The following DTX2 variants were observed in gnomAD, a reference collection of about 807,000 sequenced individuals.
DTX2 encodes the protein probable E3 ubiquitin-protein ligase DTX2.
DTX2 carries 29 observed loss-of-function variants against 55.3 expected under a neutral mutation model. That is an observed-to-expected ratio of 0.52 (90% CI 0.39 to 0.71). The LOEUF is 0.71. Among genes scored for constraint, DTX2 ranks in the 30% least tolerant of loss-of-function variants. The pLI, the probability that DTX2 is intolerant of heterozygous loss-of-function variation, is 0.00. For missense variants in DTX2, 537 were observed against 822.5 expected (o/e 0.65, Z 4.25); for synonymous variants, 276 against 340.4 (o/e 0.81, Z 2.08).
At chr7:76,477,642 T>C (rs1306513971) in intron 2 of DTX2, among the ~76,000 whole-genome samples, 1 of 139,506 alleles carries the variant, frequency 7.2e-6, no homozygotes, top group African/African-American at 2.8e-5. Context: ...TACAAAAAAT[T>C]AAGAGATCAG....
intron 4 of DTX2, among the ~76,000 whole-genome samples, chr7:76,488,732 C>T (rs1179848466): frequency 6.2e-5 from 5 of 80,272 alleles, no homozygotes; most frequent in East Asian, 3.3e-4. Flanking sequence ...CCCGTCTCTA[C>T]TAAAAATATA....
Position 76,505,720 on chromosome 7 carries a change from TGCCCCACCTGAAGCCGGG to T in DTX2, c.*122_*139del. On this transcript the variant is annotated 3_prime_UTR_variant, in exon 11 of 11. Transcript: ENST00000430490. The surrounding 1 kb of genome is among the most constrained non-coding windows in gnomAD (Gnocchi z 4.4). ...GGAGGTTTGTTGAGGGTGTGGGGTG[TGCCCCACCTGAAGCCGGG>T]GCTCCCCCTGCCTGCCTCTCTCTCC... 9.3e-7 allele frequency: 1 copy of T among 1,080,578 alleles called. No homozygotes were observed. Among genetic ancestry groups the T allele is most frequent in the Non-Finnish European group, 1.3e-6 (1 of 759,108 alleles). The allele number at this position is 1,080,578 out of a possible 1,614,324, so 66.9% of individuals were successfully genotyped here.
chr7:76,462,757 T>C (rs1431929449), intron 1 of DTX2: 2 of 4,362 alleles, frequency 4.6e-4, no homozygotes, highest in African/African-American at 2.8e-3. Flanking sequence ...TATGAAGTCC[T>C]TTTAGAGTTT....
chr7:76,486,884 C>CTGCTGCTGCTGCTGCTTT (rs59594095), intron 4 of DTX2, among the ~76,000 whole-genome samples: 6,848 of 148,646 alleles, frequency 0.046, 16 homozygotes, highest in African/African-American at 0.099. Context: ...GCTGCTGCTG[C>CTGCTGCTGCTGCTGCTTT]TGCCCTTGCC....
At chr7:76,477,183 G>C (rs1808643129) in intron 2 of DTX2, 1 of 144,010 alleles carries the variant, frequency 6.9e-6, no homozygotes, top group Non-Finnish European at 1.5e-5. Context: ...CTCCAGGTCT[G>C]ATCTTCGGGG....
intron 2 of DTX2, among the ~76,000 whole-genome samples, chr7:76,478,552 A>G (rs1808800817): frequency 6.8e-6 from 1 of 147,966 alleles, no homozygotes; most frequent in African/African-American, 2.6e-5. Flanking sequence ...AGCTGGGACT[A>G]TTGGCATGCA....
intron 2 of DTX2, among the ~76,000 whole-genome samples, chr7:76,469,045 G>C (rs1286654322): frequency 5.7e-5 from 7 of 123,858 alleles, no homozygotes; most frequent in Admixed American, 2.5e-4. Context: ...GATTACAGGC[G>C]TGAGCTACCG....
At chr7:76,481,768 A>C (rs1186833433) in intron 3 of DTX2, among the ~76,000 whole-genome samples, 1 of 151,702 alleles carries the variant, frequency 6.6e-6, no homozygotes, top group African/African-American at 2.4e-5. Flanking sequence ...CCAGTGAGGA[A>C]ACTTGAAAAA....
chr7:76,473,303 G>A (rs971500877), intron 2 of DTX2, among the ~76,000 whole-genome samples: 17 of 151,254 alleles, frequency 1.1e-4, no homozygotes, highest in Non-Finnish European at 1.8e-4. Flanking sequence ...TCCAGGTCAC[G>A]CACAGTGTGT....
chr7:76,481,211 G>T (rs1809167006), intron 3 of DTX2, among the ~76,000 whole-genome samples: 1 of 151,096 alleles, frequency 6.6e-6, no homozygotes. Flanking sequence ...TTTTGAGACG[G>T]AGTCTGGCTC....
chr7:76,502,401 G>T lies in DTX2; in HGVS notation c.1334G>T (p.Cys445Phe). The T allele has an allele frequency of 6.2e-7, 1 of 1,612,774 alleles. No individual in the cohort carries two copies. Among genetic ancestry groups the T allele is most frequent in the East Asian group, 2.2e-5 (1 of 44,874 alleles). ...GSLAVGHLTKCSHAFHLLCLL... is the reference protein window; with the variant it reads ...GSLAVGHLTKFSHAFHLLCLL... ...CTAGCTGTGGGCCACCTCACCAAGTGCAGCCATGCCTTCCACCTGCTGTGC... is the reference window on the plus strand; with the variant it reads ...CTAGCTGTGGGCCACCTCACCAAGTTCAGCCATGCCTTCCACCTGCTGTGC... Residue 445 changes from cysteine (C) to phenylalanine (F), a missense_variant, in exon 8 of 11, where the codon TGC becomes TTC. Cys to Phe is a radical substitution (Grantham distance 205). Transcript: ENST00000430490.
chr7:76,472,300 C>A (rs1197673695), intron 2 of DTX2, among the ~76,000 whole-genome samples: 2 of 127,210 alleles, frequency 1.6e-5, no homozygotes, highest in East Asian at 4.9e-4. Flanking sequence ...TATTTATGAC[C>A]TTTTAAAAGT....
chr7:76,463,346 T>G (rs1298819773), intron 1 of DTX2, 199 bp from the exon 2 acceptor site: 1 of 150,990 alleles, frequency 6.6e-6, no homozygotes, highest in Admixed American at 6.6e-5. Context: ...CTTTTTGTTG[T>G]TTCTTCAACC....
At chr7:76,476,848 C>A (rs1808598348) in intron 2 of DTX2, 3 of 151,200 alleles carry the variant, frequency 2.0e-5, no homozygotes, top group Admixed American at 1.3e-4. Flanking sequence ...GTCTCCAGTA[C>A]CCTCCTAGGG....
At chr7:76,481,534 C>T (rs1025815332) in intron 3 of DTX2, among the ~76,000 whole-genome samples, 2 of 152,130 alleles carry the variant, frequency 1.3e-5, no homozygotes, top group African/African-American at 4.8e-5. Flanking sequence ...CACCAGTTTC[C>T]TCTCGGAGCC....
intron 6 of DTX2, chr7:76,500,222 G>A (rs1638156): frequency 0.27 from 94,737 of 351,092 alleles, 14,084 homozygotes; most frequent in Middle Eastern, 0.39. Flanking sequence ...GGGCTGAGCC[G>A]GGTCCCCGGA....
chr7:76,467,143 C>G lies in DTX2; in HGVS notation c.-90+3434C>G, dbSNP rs541424814. Among the ~76,000 whole-genome samples the G allele has an allele frequency of 2.3e-4, 35 of 151,688 alleles. No individual in the cohort carries two copies. The South Asian group carries it at 7.2e-3, about 31-fold the overall frequency. ...TGAACTCCTGGGCTCAAGCAATTCA[C>G]CCGCCTTGGCCTCCCAAAGTGCTGG... is the stretch of plus-strand genomic sequence containing the variant. On this transcript the variant is annotated intron_variant, in intron 2 of 10. Coordinates refer to ENST00000430490, the MANE Select transcript of DTX2 (RefSeq NM_001102594.3).
chr7:76,478,241 A>G (rs1185198044), intron 2 of DTX2: 1 of 143,146 alleles, frequency 7.0e-6, no homozygotes, highest in Non-Finnish European at 1.5e-5. Context: ...ATGGCTTGTG[A>G]TAAGATGGGG....
Position 76,505,830 on chromosome 7 carries a change from T to C in DTX2, c.*229T>C. The stretch of plus-strand genomic sequence containing the variant: ...CATGGGGGCTTAGGATGCAGCTACC[T>C]CAGTGCGCAGGGCCCGTCTGTCCTC... On this transcript the variant is annotated 3_prime_UTR_variant, in exon 11 of 11. Transcript: ENST00000430490. This position sits in a 1 kb window ranked among gnomAD's most constrained non-coding sequence, Gnocchi z 4.4. The C allele has an allele frequency of 1.6e-6, 1 of 606,676 alleles. No individual in the cohort carries two copies. The highest frequency in any genetic ancestry group is 2.9e-6 in the Non-Finnish European group (1 of 341,370). The allele number at this position is 606,676 out of a possible 1,614,324, so 37.6% of individuals were successfully genotyped here.
Sources: gnomAD v4.1 joint callset for allele counts (sites outside exome capture counted in the v4.1 genomes callset) on GRCh38, gnomAD v4.1.1 for gene constraint, Gnocchi (gnomAD v3.1) non-coding constraint, MANE v1.5 for transcripts, NCBI Gene and HGNC (gene_info 2026-07-23, HGNC 2026-07-21) for gene names.